The following SEZ6L variants were observed in gnomAD, a reference collection of about 807,000 sequenced individuals.
SEZ6L encodes seizure 6-like protein.
A neutral mutation model predicts 106.2 loss-of-function variants in SEZ6L; 37 were observed. That is an observed-to-expected ratio of 0.35 (90% CI 0.27 to 0.46). SEZ6L has a LOEUF of 0.46. SEZ6L is among the 20% of genes least tolerant of loss of function. The pLI, the probability that SEZ6L is intolerant of heterozygous loss-of-function variation, is 1.00. For missense variants in SEZ6L, 1,172 were observed against 1,332.8 expected (o/e 0.88, Z 1.88); for synonymous variants, 541 against 570.4 (o/e 0.95, Z 0.73).
intron 12 of SEZ6L, among the ~76,000 whole-genome samples, chr22:26,364,574 T>C (rs2083744027): frequency 6.6e-6 from 1 of 152,124 alleles, no homozygotes; most frequent in African/African-American, 2.4e-5. Context: ...CCTGGGTGTC[T>C]TAGGCTACCG....
At chr22:26,225,187 A>G (rs983116796) in intron 1 of SEZ6L, among the ~76,000 whole-genome samples, 1 of 152,244 alleles carries the variant, frequency 6.6e-6, no homozygotes, top group Non-Finnish European at 1.5e-5. Context: ...CAGTTTTCTG[A>G]TTAGCTTGGT....
At chr22:26,199,516 A>T (rs1242683230) in intron 1 of SEZ6L, among the ~76,000 whole-genome samples, 1 of 152,196 alleles carries the variant, frequency 6.6e-6, no homozygotes, top group Non-Finnish European at 1.5e-5. Flanking sequence ...CTTTAATTGC[A>T]TTGGTTCAAT....
At chr22:26,361,518 A>T (rs867325831) in intron 12 of SEZ6L, among the ~76,000 whole-genome samples, 7,825 of 133,526 alleles carry the variant, frequency 0.059, 254 homozygotes, top group African/African-American at 0.1. Context: ...AAAAAAAAAA[A>T]AAATATATAT....
intron 11 of SEZ6L, among the ~76,000 whole-genome samples, chr22:26,349,114 T>A (rs1470210786): frequency 6.6e-6 from 1 of 152,186 alleles, no homozygotes; most frequent in Non-Finnish European, 1.5e-5. Context: ...TAAATTTGAA[T>A]TGGGCCCCTT....
At chr22:26,323,966 G>A (rs76182064) in intron 9 of SEZ6L, among the ~76,000 whole-genome samples, 1,640 of 151,960 alleles carry the variant, frequency 0.011, 27 homozygotes, top group African/African-American at 0.038. Context: ...AGAAACTGAG[G>A]CTGAGAGAGA....
chr22:26,251,755 C>A (rs1176901229), intron 1 of SEZ6L, among the ~76,000 whole-genome samples: 1 of 152,166 alleles, frequency 6.6e-6, no homozygotes. Flanking sequence ...TGTCTCACCC[C>A]AGGCCAGGGA....
intron 1 of SEZ6L, among the ~76,000 whole-genome samples, chr22:26,267,205 G>A (rs2080218938): frequency 6.6e-6 from 1 of 152,180 alleles, no homozygotes; most frequent in South Asian, 2.1e-4. Context: ...AGGTCACGAT[G>A]GCTAACTCTC....
At position 26,311,235 on chromosome 22, in the gene SEZ6L, G is replaced by C. The variant is rs568663478; in HGVS notation, c.1681+399G>C. Among the ~76,000 whole-genome samples the C allele has an allele frequency of 3.9e-5, 6 of 152,310 alleles. No homozygotes were observed. In the South Asian group the frequency reaches 1.2e-3, roughly 32 times the overall value. ...ATTTCTGTCCATCCTGTGCTGGGGA[G>C]CCCTGAAGCTCTGCTCCACTCCACC... On this transcript the variant is annotated intron_variant, in intron 7 of 16. Transcript: ENST00000248933.
chr22:26,355,024 A>G (rs566567066), intron 12 of SEZ6L, among the ~76,000 whole-genome samples: 1 of 152,370 alleles, frequency 6.6e-6, no homozygotes, highest in Non-Finnish European at 1.5e-5. Context: ...CTCCTGAGTA[A>G]GAGGGAGGAT....
rs923813914 is a variant in SEZ6L at position 26,306,268 on chromosome 22, G to C, written c.1514+124G>C. 7.4e-6 allele frequency: 8 copies of C among 1,086,796 alleles called. No individual in the cohort carries two copies. In the African/African-American group the frequency reaches 9.5e-5, roughly 13 times the overall value. The allele number at this position is 1,086,796 out of a possible 1,614,324, so 67.3% of individuals were successfully genotyped here. On this transcript the variant is annotated intron_variant, in intron 6 of 16. Coordinates refer to ENST00000248933, the MANE Select transcript of SEZ6L (RefSeq NM_021115.5). ...TCGGAATTCAAGAAAAGAAGAGCTG[G>C]GGTGGATGGCAAAGATCTTAGACAC...
In SEZ6L at chr22:26,191,873, G is replaced by C. The variant is rs548853634; in HGVS notation, c.94+22110G>C. On this transcript the variant is annotated intron_variant, in intron 1 of 16. Transcript: ENST00000248933. ...GCCTCACAGGACACTTCCAGTCCTT[G>C]TGTTCAAGTGATTGTGACTAAATTT... Among the ~76,000 whole-genome samples, 3 of 152,282 alleles carry C rather than the reference G, an allele frequency of 2.0e-5. No individual in the cohort carries two copies. In the East Asian group the frequency reaches 5.8e-4, roughly 29 times the overall value.
chr22:26,299,868 T>A (rs1318828183), intron 5 of SEZ6L, among the ~76,000 whole-genome samples: 1 of 152,196 alleles, frequency 6.6e-6, no homozygotes, highest in African/African-American at 2.4e-5. Flanking sequence ...GGTCATAGGG[T>A]CATTGTATGT....
intron 1 of SEZ6L, among the ~76,000 whole-genome samples, chr22:26,204,663 C>CT (rs1046866509): frequency 6.6e-6 from 1 of 151,936 alleles, no homozygotes; most frequent in Non-Finnish European, 1.5e-5. Context: ...GTAAGGCTTC[C>CT]TTTTTTTTCT....
chr22:26,233,533 T>G (rs145654792), intron 1 of SEZ6L, among the ~76,000 whole-genome samples: 1 of 152,306 alleles, frequency 6.6e-6, no homozygotes, highest in Non-Finnish European at 1.5e-5. Context: ...ATTTTACAGA[T>G]GAGGAAGCTG....
chr22:26,242,677 T>C (rs1569412722), intron 1 of SEZ6L: 1 of 152,204 alleles, frequency 6.6e-6, no homozygotes, highest in Non-Finnish European at 1.5e-5. Context: ...AACATGAAAC[T>C]TACCAGAACT....
intron 1 of SEZ6L, among the ~76,000 whole-genome samples, chr22:26,261,973 A>C (rs530692091): frequency 5.3e-5 from 8 of 152,242 alleles, no homozygotes; most frequent in Middle Eastern, 3.4e-3. Flanking sequence ...AGGAAGAGTT[A>C]GCCTCCACGA....
At chr22:26,333,208 G>T (rs2082542164) in intron 9 of SEZ6L, among the ~76,000 whole-genome samples, 1 of 152,232 alleles carries the variant, frequency 6.6e-6, no homozygotes, top group African/African-American at 2.4e-5. Context: ...CAGGGTCAAG[G>T]TGGGGAAGGA....
At chr22:26,195,444 C>T (rs1254655876) in intron 1 of SEZ6L, among the ~76,000 whole-genome samples, 1 of 152,162 alleles carries the variant, frequency 6.6e-6, no homozygotes, top group Non-Finnish European at 1.5e-5. Context: ...TGGGGGTACT[C>T]ATGCCTGTCT....
intron 1 of SEZ6L, among the ~76,000 whole-genome samples, chr22:26,260,063 T>C (rs2079949581): frequency 6.6e-6 from 1 of 152,210 alleles, no homozygotes; most frequent in African/African-American, 2.4e-5. Context: ...GAATAAATTA[T>C]ACACAATGCA....
Sources: gnomAD v4.1 joint callset for allele counts (sites outside exome capture counted in the v4.1 genomes callset) on GRCh38, gnomAD v4.1.1 for gene constraint, MANE v1.5 for transcripts, NCBI Gene and HGNC (gene_info 2026-07-23, HGNC 2026-07-21) for gene names.